MAPK10: variants seen among roughly 807,000 people sequenced by gnomAD.
MAPK10 encodes mitogen-activated protein kinase 10, also known as JNK3 alpha protein kinase.
Under a neutral mutation model 59.3 loss-of-function variants are expected in MAPK10, and 25 were observed. That is an observed-to-expected ratio of 0.42 (90% confidence interval 0.31 to 0.59). The LOEUF (loss-of-function observed/expected upper bound fraction) is 0.59. Ranked by LOEUF, MAPK10 falls within the 20% of genes least tolerant of loss-of-function variation. The probability of loss-of-function intolerance (pLI) is 0.15; values close to 1 mark genes in which losing one functional copy is unlikely to be tolerated. For missense variants in MAPK10, 351 were observed against 568.9 expected (o/e 0.62, Z 3.90); for synonymous variants, 190 against 200.5 (o/e 0.95, Z 0.44).
At chr4:86,429,676 A>T (rs1200606607) in intron 1 of MAPK10, 1 of 152,034 alleles carries the variant, frequency 6.6e-6, no homozygotes, top group Non-Finnish European at 1.5e-5. Flanking sequence ...GGTGGTGCAT[A>T]CCTGTAGTCC....
intron 2 of MAPK10, among the ~76,000 whole-genome samples, chr4:86,288,675 T>C (rs1343252981): frequency 6.6e-6 from 1 of 152,106 alleles, no homozygotes. Context: ...TACCCAAGTC[T>C]TTTATGAGCA....
At chr4:86,481,551 T>C (rs1178133789) in intron 1 of MAPK10, among the ~76,000 whole-genome samples, 1 of 152,150 alleles carries the variant, frequency 6.6e-6, no homozygotes, top group Non-Finnish European at 1.5e-5. Context: ...AAATATTTGG[T>C]ATTGTTCTCA....
chr4:86,119,400 A>G (rs1190407595), intron 4 of MAPK10: 1 of 152,238 alleles, frequency 6.6e-6, no homozygotes, highest in African/African-American at 2.4e-5. Flanking sequence ...GTTTGAGATC[A>G]GCCTGGCCAA....
At chr4:86,557,412 C>G (rs2149102806) in intron 1 of MAPK10, among the ~76,000 whole-genome samples, 1 of 152,102 alleles carries the variant, frequency 6.6e-6, no homozygotes, top group East Asian at 1.9e-4. Context: ...TACTGACTGT[C>G]ACTAAAAACT....
Position 86,238,643 on chromosome 4 carries a change from C to T in MAPK10, c.-6-44236G>A, listed in dbSNP as rs566843227. Among the ~76,000 whole-genome samples the T allele has an allele frequency of 3.0e-4, 45 of 151,996 alleles. No homozygotes were observed. The East Asian group carries it at 4.8e-3, about 16-fold the overall frequency. On this transcript the variant is annotated intron_variant, in intron 2 of 13. Coordinates refer to ENST00000641462, the MANE Select transcript of MAPK10 (RefSeq NM_138982.4). ...GGAGTTCATTCATGATTTGGCTCTC[C>T]GCTTGCCTATTGTTGGTGTAAAGGA...
chr4:86,171,418 C>G (rs377451807), intron 3 of MAPK10, among the ~76,000 whole-genome samples: 1 of 151,708 alleles, frequency 6.6e-6, no homozygotes, highest in Non-Finnish European at 1.5e-5. Flanking sequence ...TCAGAAATAA[C>G]GCTGCATATC....
chr4:86,089,061 G>A (rs1319009607), intron 9 of MAPK10: 1 of 607,692 alleles, frequency 1.6e-6, no homozygotes, highest in Admixed American at 3.2e-5. Flanking sequence ...CTGCCATAAT[G>A]CCAACTTGTA....
chr4:86,515,521 G>A (rs1048787065), intron 1 of MAPK10, among the ~76,000 whole-genome samples: 3 of 151,876 alleles, frequency 2.0e-5, no homozygotes, highest in Non-Finnish European at 4.4e-5. Flanking sequence ...TTTTAATTAT[G>A]GCCATTCTTG....
At position 86,413,679 on chromosome 4, in the gene MAPK10, C is replaced by T. The variant is rs546576623; in HGVS notation, c.-122+39351G>A. Among the ~76,000 whole-genome samples the T allele has an allele frequency of 1.8e-4, 28 of 152,284 alleles. No individual in the cohort carries two copies. The East Asian group carries it at 4.6e-3, about 25-fold the overall frequency. On this transcript the variant is annotated intron_variant, in intron 1 of 13. Transcript: ENST00000361569. ...ATTGCAGGTTGACCTCAGACTGCTG[C>T]GCTAGCAGTGAGCAAGCCTCCATGT... is the stretch of plus-strand genomic sequence containing the variant.
At chr4:86,229,934 A>C (rs747415295) in intron 2 of MAPK10, among the ~76,000 whole-genome samples, 4 of 151,950 alleles carry the variant, frequency 2.6e-5, no homozygotes, top group Non-Finnish European at 5.9e-5. Flanking sequence ...ATTGGAATGC[A>C]CCTGTGGTTC....
At chr4:86,525,546 C>A (rs1269658157) in intron 1 of MAPK10, among the ~76,000 whole-genome samples, 1 of 152,134 alleles carries the variant, frequency 6.6e-6, no homozygotes, top group South Asian at 2.1e-4. Flanking sequence ...TTATTCCTGG[C>A]TAACAAAGCT....
chr4:86,457,508 C>T (rs553423941), upstream of MAPK10, among the ~76,000 whole-genome samples: 4 of 152,268 alleles, frequency 2.6e-5, no homozygotes, highest in Admixed American at 6.5e-5. Context: ...CTTCTATACA[C>T]CAATAGCAAC....
At chr4:86,142,414 A>G (rs1486227738) in intron 4 of MAPK10, among the ~76,000 whole-genome samples, 1 of 152,178 alleles carries the variant, frequency 6.6e-6, no homozygotes. Context: ...TTTACATTCT[A>G]GAGGATTCAT....
upstream of MAPK10, among the ~76,000 whole-genome samples, chr4:86,361,063 C>T (rs10008238): frequency 0.53 from 80,409 of 151,914 alleles, 23,006 homozygotes; most frequent in South Asian, 0.7. Context: ...TAAATGATTC[C>T]ACATTATGTT....
intron 11 of MAPK10, among the ~76,000 whole-genome samples, chr4:86,060,432 G>A (rs2045521798): frequency 6.6e-6 from 1 of 152,108 alleles, no homozygotes; most frequent in Non-Finnish European, 1.5e-5. Flanking sequence ...TACAGCTTAT[G>A]TTCCTCTTCT....
At chr4:86,028,049 GT>G (rs1426552305) in intron 13 of MAPK10, 1 of 152,208 alleles carries the variant, frequency 6.6e-6, no homozygotes, top group Non-Finnish European at 1.5e-5. Flanking sequence ...ATGACAATAT[GT>G]TCTGGTCATT....
In MAPK10 at chr4:86,056,796, A is replaced by G. The variant is rs1579301654; in HGVS notation, c.1110+7470T>C. 3.3e-5 allele frequency among the ~76,000 whole-genome samples: 5 copies of G among 149,624 alleles called. No homozygotes were observed. The East Asian group carries it at 9.6e-4, about 29-fold the overall frequency. ...AATTAAATATTTTTATTTAGTTGCTATAGTAAATAGAAAGATTTAATTTAT... is the reference window on the plus strand; with the variant it reads ...AATTAAATATTTTTATTTAGTTGCTGTAGTAAATAGAAAGATTTAATTTAT... On this transcript the variant is annotated intron_variant, in intron 11 of 13. Coordinates refer to ENST00000641462, the MANE Select transcript of MAPK10 (RefSeq NM_138982.4).
intron 10 of MAPK10, among the ~76,000 whole-genome samples, chr4:86,065,858 C>G (rs907315102): frequency 1.3e-5 from 2 of 152,122 alleles, no homozygotes; most frequent in Admixed American, 1.3e-4. Flanking sequence ...ATAGATGACT[C>G]TGGATACATA....
intron 1 of MAPK10, among the ~76,000 whole-genome samples, chr4:86,479,267 T>C (rs1753378857): frequency 1.3e-5 from 2 of 152,100 alleles, no homozygotes; most frequent in African/African-American, 4.8e-5. Flanking sequence ...AGTGAACTAA[T>C]GGTCTTTTAA....
Sources: allele counts gnomAD v4.1 joint callset (sites outside exome capture counted in the v4.1 genomes callset), GRCh38; gene constraint gnomAD v4.1.1; transcripts MANE v1.5; gene names NCBI Gene and HGNC (gene_info 2026-07-23, HGNC 2026-07-21).